The following PON1 variants were observed in gnomAD, a reference collection of about 807,000 sequenced individuals.
PON1 encodes serum paraoxonase/arylesterase 1.
Under a neutral mutation model 39.2 loss-of-function variants are expected in PON1, and 37 were observed. That is an observed-to-expected ratio of 0.94 (90% CI 0.73 to 1.24). PON1 has a LOEUF of 1.24. Among genes scored for constraint, PON1 ranks in the 50% most tolerant of loss-of-function variants. PON1 has a pLI of 0.00. For missense variants in PON1, 397 were observed against 413.5 expected, an observed-to-expected ratio of 0.96 and a Z score of 0.35; for synonymous variants, 148 against 152.2, an observed-to-expected ratio of 0.97 and a Z score of 0.21.
chr7:95,316,062 T>C (rs854558), intron 3 of PON1, among the ~76,000 whole-genome samples: 104,222 of 152,128 alleles, frequency 0.69, 35,793 homozygotes, highest in Middle Eastern at 0.74. Flanking sequence ...GACTAGTCTA[T>C]CATCTTTGTA....
In PON1 at chr7:95,322,528, A is replaced by G. The variant is rs17166812; in HGVS notation, c.74+1874T>C. The stretch of plus-strand genomic sequence containing the variant: ...CTCTTCCCACAACTGTGTGTTGCCT[A>G]CAGTAAGCATGGAATGGCAGAAATG... On this transcript the variant is annotated intron_variant, in intron 1 of 8. Coordinates refer to ENST00000222381, the MANE Select transcript of PON1 (RefSeq NM_000446.7). 9.3e-3 allele frequency among the ~76,000 whole-genome samples: 1,421 copies of G among 152,248 alleles called. 23 individuals are homozygous for G. Among genetic ancestry groups the G allele is most frequent in the African/African-American group, 0.032 (1,339 of 41,534 alleles).
chr7:95,312,284 C>A (rs1453969507), intron 4 of PON1, among the ~76,000 whole-genome samples: 3 of 152,182 alleles, frequency 2.0e-5, no homozygotes, highest in Non-Finnish European at 4.4e-5. Flanking sequence ...ACCTCCGCCT[C>A]CCAGGTTCAA....
chr7:95,316,835 C>T (rs760856583), intron 2 of PON1, 46 bp from the exon 3 acceptor site: 3 of 1,474,312 alleles, frequency 2.0e-6, no homozygotes, highest in East Asian at 2.3e-5. Flanking sequence ...CATATTATTG[C>T]AGGATGTGGA....
chr7:95,320,418 T>C (rs1194037548), intron 1 of PON1, among the ~76,000 whole-genome samples: 1 of 152,232 alleles, frequency 6.6e-6, no homozygotes, highest in Non-Finnish European at 1.5e-5. Context: ...CTTGTTGATT[T>C]GGGTTCCAAT....
At position 95,306,112 on chromosome 7, in the gene PON1, TG is replaced by T. The variant is rs1807535338; in HGVS notation, c.780+172del. Among the ~76,000 whole-genome samples the T allele has an allele frequency of 2.0e-5, 3 of 152,260 alleles. No individual in the cohort carries two copies. The South Asian group carries it at 6.2e-4, about 32-fold the overall frequency. ...GGTTTGCTGTTTGCCACTCTGCAGT[TG>T]AGTAAAAATGAACAACAAACACATA... On this transcript the variant is annotated intron_variant, in intron 7 of 8. Coordinates refer to ENST00000222381, the MANE Select transcript of PON1 (RefSeq NM_000446.7).
chr7:95,302,113 A>AAAAAAC (rs1807443999), intron 8 of PON1, 92 bp downstream of exon 8: 1 of 843,820 alleles, frequency 1.2e-6, no homozygotes, highest in African/African-American at 1.9e-5. Context: ...AAAAAAAAAA[A>AAAAAAC]AAAAAAAACC....
intron 3 of PON1, 128 bp from the exon 4 acceptor site, chr7:95,315,618 G>A (rs1418250844): frequency 2.1e-6 from 2 of 962,628 alleles, no homozygotes; most frequent in Non-Finnish European, 3.2e-6. Context: ...GGCCACATAG[G>A]AAGCCTCTTA....
intron 1 of PON1, among the ~76,000 whole-genome samples, chr7:95,321,455 C>A (rs141994019): frequency 6.6e-6 from 1 of 152,238 alleles, no homozygotes; most frequent in Admixed American, 6.5e-5. Context: ...CTACTACACA[C>A]GCCTCATTCA....
At chr7:95,318,662 A>T (rs1807827361) in intron 1 of PON1, 1 of 385,144 alleles carries the variant, frequency 2.6e-6, no homozygotes, top group South Asian at 2.6e-5. Context: ...TTTGGCAGGA[A>T]CAGGAGCAAT....
intron 1 of PON1, among the ~76,000 whole-genome samples, chr7:95,320,351 A>G (rs2299261): frequency 0.34 from 52,416 of 152,056 alleles, 9,219 homozygotes; most frequent in South Asian, 0.37. Flanking sequence ...CCTGGAAAAC[A>G]TAGAATAATC....
chr7:95,298,830 GT>G lies in PON1; in HGVS notation c.*113del. On this transcript the variant is annotated 3_prime_UTR_variant, in exon 9 of 9. Coordinates refer to ENST00000222381, the MANE Select transcript of PON1 (RefSeq NM_000446.7). ...AAACAGTGCTTTGATGCTTCATGAT[GT>G]CCACATTTAGGGTCAGCATTCATTG... 1.1e-5 allele frequency: 14 copies of G among 1,302,310 alleles called. No homozygotes were observed. Among genetic ancestry groups the G allele is most frequent in the Non-Finnish European group, 1.5e-5 (14 of 904,256 alleles). 80.7% of individuals were successfully genotyped at this position (1,302,310 alleles called of 1,614,324 possible).
In PON1 at chr7:95,302,227, G is replaced by A. The variant is rs1807450523; in HGVS notation, c.887C>T (p.Ser296Leu). ...TACCTCTGATGCAGGAGGATTCTCT[G>A]AGTCATAGAAGAAGATTTTCATGCC... The part of the protein sequence containing the change: ...PNGMKIFFYD[S>L]ENPPASEVLR... The change falls in exon 8 of 9, where the codon TCA (serine) becomes TTA (leucine). Residue 296 changes from serine (S) to leucine (L), a missense_variant. By Grantham distance (145) the Ser-to-Leu change is moderately radical. Transcript: ENST00000222381. 6.2e-7 allele frequency: 1 copy of A among 1,611,946 alleles called. No homozygotes were observed. The highest frequency in any genetic ancestry group is 2.2e-5 in the East Asian group (1 of 44,806).
rs1230987331 is a variant in PON1 at position 95,299,063 on chromosome 7, CTT to C, written c.947_948del (p.Lys316SerfsTer38). The C allele has an allele frequency of 1.9e-6, 3 of 1,614,142 alleles. No individual in the cohort carries two copies. The highest frequency in any genetic ancestry group is 4.5e-5 in the East Asian group (2 of 44,880). On this transcript the variant is annotated frameshift_variant, in exon 9 of 9. Transcript: ENST00000222381. LOFTEE classifies it high-confidence loss of function. Reference sequence around the variant, plus strand: ...CCATTTTCTGCATAAACCTGTGTCACTTTAGGTTCTTCTGTTAGAATGTTCTG... The same window carrying C: ...CCATTTTCTGCATAAACCTGTGTCACTAGGTTCTTCTGTTAGAATGTTCTG... The part of the protein sequence containing the change: ...RIQNILTEEP[K>X]VTQVYAENGT...
At chr7:95,315,922 C>T (rs1366249156) in intron 3 of PON1, among the ~76,000 whole-genome samples, 1 of 152,208 alleles carries the variant, frequency 6.6e-6, no homozygotes, top group Non-Finnish European at 1.5e-5. Context: ...GCCAGAGGAA[C>T]TACTCCTTTC....
intron 1 of PON1, among the ~76,000 whole-genome samples, chr7:95,321,753 C>T (rs977046065): frequency 2.6e-5 from 4 of 152,254 alleles, no homozygotes; most frequent in Non-Finnish European, 1.5e-5. Context: ...ACCTAGAATG[C>T]TCTTTAGCCC....
At chr7:95,320,239 C>T (rs1362068541) in intron 1 of PON1, among the ~76,000 whole-genome samples, 1 of 152,200 alleles carries the variant, frequency 6.6e-6, no homozygotes, top group Admixed American at 6.5e-5. Context: ...GCCTGACTCA[C>T]AAGGGTCACT....
intron 1 of PON1, among the ~76,000 whole-genome samples, chr7:95,322,357 T>C (rs1391372565): frequency 6.7e-6 from 1 of 150,044 alleles, no homozygotes; most frequent in East Asian, 1.9e-4. Flanking sequence ...TGTGTATATA[T>C]ATATATATAT....
In PON1 at chr7:95,302,204, C is replaced by G. The variant is rs1406393589; in HGVS notation, c.909+1G>C. The stretch of plus-strand genomic sequence containing the variant: ...TTATCTGGTTCATTTTTAAAACTTA[C>G]CTCTGATGCAGGAGGATTCTCTGAG... On this transcript the variant is annotated splice_donor_variant, in intron 8 of 8. Coordinates refer to ENST00000222381, the MANE Select transcript of PON1 (RefSeq NM_000446.7). LOFTEE classifies it high-confidence loss of function. The G allele has an allele frequency of 6.3e-7, 1 of 1,576,394 alleles. No homozygotes were observed. The highest frequency in any genetic ancestry group is 1.1e-5 in the South Asian group (1 of 90,512).
At chr7:95,304,873 C>T (rs1807508499) in intron 7 of PON1, among the ~76,000 whole-genome samples, 1 of 152,176 alleles carries the variant, frequency 6.6e-6, no homozygotes, top group Non-Finnish European at 1.5e-5. Context: ...TGAAACTGGC[C>T]TTGCCCTCAG....
Sources: allele counts gnomAD v4.1 joint callset (sites outside exome capture counted in the v4.1 genomes callset), GRCh38; gene constraint gnomAD v4.1.1; transcripts MANE v1.5; gene names NCBI Gene and HGNC (gene_info 2026-07-23, HGNC 2026-07-21).